PCDHA6: variants seen among roughly 807,000 people sequenced by gnomAD.
The protein encoded by PCDHA6 is protocadherin alpha-6.
In PCDHA6, 55 loss-of-function variants were observed where a neutral mutation model predicts 60.3. The ratio of observed to expected loss-of-function variants is 0.91; its 90% CI spans 0.73 to 1.14. The LOEUF is 1.14. Among genes scored for constraint, PCDHA6 ranks in the 50% most tolerant of loss-of-function variants. The pLI is 0.00. For synonymous variants in PCDHA6, 652 were observed against 557.9 expected, an observed-to-expected ratio of 1.17 and a Z score of -2.38; for missense variants, 1,327 against 1,256.5, an observed-to-expected ratio of 1.06 and a Z score of -0.85.
At chr5:140,996,802 T>C (rs1554255415) in intron 3 of PCDHA6, among the ~76,000 whole-genome samples, 1 of 152,218 alleles carries the variant, frequency 6.6e-6, no homozygotes, top group Non-Finnish European at 1.5e-5. Flanking sequence ...CATCCAATCA[T>C]GCTTTCCAAA....
Position 140,857,792 on chromosome 5 carries a change from C to T in PCDHA6, c.2394+27307C>T, listed in dbSNP as rs368399538. 21 of 1,597,428 alleles carry T rather than the reference C, an allele frequency of 1.3e-5. 1 individual carries two copies. In the African/African-American group the frequency reaches 2.6e-4, roughly 19 times the overall value. On this transcript the variant is annotated intron_variant, in intron 1 of 3. Coordinates refer to ENST00000529310, the MANE Select transcript of PCDHA6 (RefSeq NM_018909.4). ...CGGTGCAGTCAGTGAGCTGGTGCTGCGGTCGGTGGTTGCGGGTCACGTGGT... is the reference window on the plus strand; with the variant it reads ...CGGTGCAGTCAGTGAGCTGGTGCTGTGGTCGGTGGTTGCGGGTCACGTGGT...
rs148828100 is a variant in PCDHA6, at chr5:140,841,462, G to C, written c.2394+10977G>C. The stretch of plus-strand genomic sequence containing the variant: ...CCAAACACGGCACCTTCGTGGGCCG[G>C]ATCGCGCAGGACCTGGGGCTGGAGC... On this transcript the variant is annotated intron_variant, in intron 1 of 3. Coordinates refer to ENST00000529310, the MANE Select transcript of PCDHA6 (RefSeq NM_018909.4). 2.4e-3 allele frequency: 3,771 copies of C among 1,566,800 alleles called. 62 individuals are homozygous for C. Among genetic ancestry groups the C allele is most frequent in the African/African-American group, 0.015 (1,090 of 73,024 alleles).
chr5:140,941,191 T>TTTC (rs1487503403), intron 1 of PCDHA6, among the ~76,000 whole-genome samples: 199 of 93,252 alleles, frequency 2.1e-3, no homozygotes, highest in Middle Eastern at 0.015. Flanking sequence ...GCTTCTTTTT[T>TTTC]TTTCTTTCTT....
intron 1 of PCDHA6, chr5:140,862,180 CA>C (rs1408132694): frequency 6.0e-6 from 1 of 165,728 alleles, no homozygotes; most frequent in African/African-American, 2.4e-5. Context: ...GCAGTTGACA[CA>C]GGCAATTCCC....
chr5:140,981,603 C>T (rs1213864255), intron 2 of PCDHA6, among the ~76,000 whole-genome samples: 4 of 152,052 alleles, frequency 2.6e-5, no homozygotes, highest in Non-Finnish European at 5.9e-5. Context: ...CAAAATGTTC[C>T]TCTAATTTTG....
intron 1 of PCDHA6, among the ~76,000 whole-genome samples, chr5:140,933,870 T>C (rs2089481018): frequency 6.6e-6 from 1 of 152,092 alleles, no homozygotes. Context: ...CAGATATATG[T>C]TAGTTTTATC....
At position 140,829,288 on chromosome 5, in the gene PCDHA6, C is replaced by T. The variant is rs1263558047; in HGVS notation, c.1197C>T (p.Ser399=). 1.9e-6 allele frequency: 3 copies of T among 1,614,248 alleles called. No individual in the cohort carries two copies. Among genetic ancestry groups the T allele is most frequent in the Non-Finnish European group, 1.7e-6 (2 of 1,180,050 alleles). ...LTPHVPFKLV[S]TFKNYYSLVL... is the part of the protein sequence containing the mutation. ...CTCACGTCCCTTTCAAGCTGGTGTC[C>T]ACCTTCAAGAATTACTACTCGTTGG... is the stretch of plus-strand genomic sequence containing the variant. The change falls in exon 1 of 4, where the codon TCC becomes TCT. Residue 399 remains serine (S), a synonymous_variant. Transcript: ENST00000529310.
In PCDHA6 at chr5:140,876,715, C is replaced by G. The variant is rs570565884; in HGVS notation, c.2394+46230C>G. 3.1e-5 allele frequency: 50 copies of G among 1,614,234 alleles called. No homozygotes were observed. The highest frequency in any genetic ancestry group is 3.3e-4 in the Middle Eastern group (2 of 6,062). On this transcript the variant is annotated intron_variant, in intron 1 of 3. Coordinates refer to ENST00000529310, the MANE Select transcript of PCDHA6 (RefSeq NM_018909.4). ...GTTGGTGCTGGACAGCGCCCTGGAC[C>G]GCGAGAGCGTGTCGGCCTATGAGCT...
At chr5:140,915,840 G>C (rs1554197129) in intron 1 of PCDHA6, among the ~76,000 whole-genome samples, 1 of 152,142 alleles carries the variant, frequency 6.6e-6, no homozygotes, top group African/African-American at 2.4e-5. Context: ...AGATCAGCAG[G>C]GGGTGACACC....
chr5:140,980,684 G>GAA (rs782726576), intron 2 of PCDHA6, among the ~76,000 whole-genome samples: 2 of 145,064 alleles, frequency 1.4e-5, no homozygotes, highest in African/African-American at 5.1e-5. Context: ...TTTTCAAATT[G>GAA]AAAAAAAAAA....
chr5:140,892,058 T>C (rs1417540713), intron 1 of PCDHA6, among the ~76,000 whole-genome samples: 3 of 152,248 alleles, frequency 2.0e-5, no homozygotes, highest in African/African-American at 4.8e-5. Context: ...TCAAATTTAT[T>C]GTTACTTTGT....
intron 1 of PCDHA6, among the ~76,000 whole-genome samples, chr5:140,913,854 A>G: frequency 6.6e-6 from 1 of 152,128 alleles, no homozygotes; most frequent in Middle Eastern, 3.2e-3. Context: ...ATTCAGGAGC[A>G]TATTGTTTAA....
At chr5:140,861,527 G>A (rs1554154863) in intron 1 of PCDHA6, 2 of 454,914 alleles carry the variant, frequency 4.4e-6, no homozygotes. Flanking sequence ...GGAGGATCTC[G>A]GAGTGCAGCA....
chr5:140,830,676 T>C (rs1348567838), intron 1 of PCDHA6, 191 bp downstream of exon 1: 2 of 357,974 alleles, frequency 5.6e-6, no homozygotes, highest in African/African-American at 4.3e-5. Flanking sequence ...AAATTAGAAA[T>C]CACTGTCCAC....
At chr5:140,835,603 T>G (rs2150239266) in intron 1 of PCDHA6, 10 of 1,613,804 alleles carry the variant, frequency 6.2e-6, no homozygotes, top group Non-Finnish European at 1.7e-6. Context: ...TACTATTCAT[T>G]GGTGCTGGAC....
intron 1 of PCDHA6, chr5:140,929,052 C>G (rs1379551578): frequency 6.2e-7 from 1 of 1,614,058 alleles, no homozygotes; most frequent in African/African-American, 1.3e-5. Context: ...GCTGCTGTCG[C>G]TCTACAGAGG....
chr5:140,915,006 C>A (rs958050012), intron 1 of PCDHA6, among the ~76,000 whole-genome samples: 2 of 149,102 alleles, frequency 1.3e-5, no homozygotes, highest in African/African-American at 5.0e-5. Flanking sequence ...AGTGCAGTGG[C>A]CTGATCTTGG....
intron 1 of PCDHA6, chr5:140,870,801 G>A: frequency 6.2e-7 from 1 of 1,613,670 alleles, no homozygotes; most frequent in Non-Finnish European, 8.5e-7. Context: ...CACTGCTGGC[G>A]ACTCAGGCTG....
chr5:140,850,053 C>T, intron 1 of PCDHA6: 4 of 1,596,534 alleles, frequency 2.5e-6, no homozygotes, highest in Non-Finnish European at 3.4e-6. Context: ...GGTGTACGCG[C>T]TGCAGCCGTT....
Sources: gnomAD v4.1 joint callset for allele counts (sites outside exome capture counted in the v4.1 genomes callset) on GRCh38, gnomAD v4.1.1 for gene constraint, MANE v1.5 for transcripts, NCBI Gene and HGNC (gene_info 2026-07-23, HGNC 2026-07-21) for gene names.